Variants in MALRD1 observed in about 807,000 individuals in gnomAD.
MALRD1 encodes MAM and LDL-receptor class A domain-containing protein 1.
MALRD1 carries 247 observed loss-of-function variants against 242.1 expected under a neutral mutation model. That is an observed-to-expected ratio of 1.02 (90% CI 0.92 to 1.13). The LOEUF (loss-of-function observed/expected upper bound fraction) is 1.13, where lower values mean the gene tolerates loss of function less well. Among genes scored for constraint, MALRD1 ranks in the 50% most tolerant of loss-of-function variants. MALRD1 has a pLI of 0.00. For synonymous variants in MALRD1, 995 were observed against 866.6 expected (o/e 1.15, Z -2.60); for missense variants, 2,989 against 2,533.1 (o/e 1.18, Z -3.86).
rs2032271896 is a variant in MALRD1, at chr10:19,531,276, C to T, written c.5403C>T (p.Phe1801=). The T allele has an allele frequency of 1.3e-6, 2 of 1,550,274 alleles. No homozygotes were observed. The highest frequency in any genetic ancestry group is 2.7e-5 in the African/African-American group (2 of 73,022). ...SVARITTSKS[F]PASLGMCTVR... is the part of the protein sequence containing the mutation. ...CCAGAATTACTACTTCCAAATCCTT[C>T]CCAGCAAGCCTTGGAATGTGTACTG... Residue 1801 remains phenylalanine, a synonymous_variant, in exon 32 of 40, where the codon TTC becomes TTT. Transcript: ENST00000454679.
chr10:19,306,237 C>T (rs1458229802), intron 21 of MALRD1, among the ~76,000 whole-genome samples: 4 of 131,312 alleles, frequency 3.0e-5, no homozygotes, highest in Non-Finnish European at 6.3e-5. Flanking sequence ...ATATACTATA[C>T]TATATATACT....
chr10:19,592,665 A>C (rs1434183053), intron 33 of MALRD1, among the ~76,000 whole-genome samples: 2 of 152,058 alleles, frequency 1.3e-5, no homozygotes, highest in Non-Finnish European at 2.9e-5. Flanking sequence ...CTTTTAATGC[A>C]ATGCCTACCT....
chr10:19,587,223 G>C (rs981314634), intron 33 of MALRD1, among the ~76,000 whole-genome samples: 3 of 152,214 alleles, frequency 2.0e-5, no homozygotes, highest in Non-Finnish European at 4.4e-5. Context: ...GACCGGAGCT[G>C]TTCCTATTTG....
At chr10:19,190,707 A>T (rs1259801843) in intron 14 of MALRD1, among the ~76,000 whole-genome samples, 1 of 151,814 alleles carries the variant, frequency 6.6e-6, no homozygotes, top group Non-Finnish European at 1.5e-5. Flanking sequence ...CAATTGGTAA[A>T]ATCCAGTATT....
chr10:19,434,851 T>C (rs1285990557), intron 28 of MALRD1, among the ~76,000 whole-genome samples: 1 of 151,916 alleles, frequency 6.6e-6, no homozygotes, highest in African/African-American at 2.4e-5. Context: ...TGGTCCTGAA[T>C]CTTTTTATTT....
At chr10:19,304,271 C>T (rs1335341908) in intron 21 of MALRD1, among the ~76,000 whole-genome samples, 2 of 151,570 alleles carry the variant, frequency 1.3e-5, no homozygotes, top group African/African-American at 2.4e-5. Context: ...CATGGCATAT[C>T]GTGGAACTTC....
chr10:19,494,553 C>A (rs908108632), intron 30 of MALRD1, among the ~76,000 whole-genome samples: 1 of 152,054 alleles, frequency 6.6e-6, no homozygotes, highest in African/African-American at 2.4e-5. Context: ...CAGGAGCTGA[C>A]GGATGAAATA....
chr10:19,376,164 C>T lies in MALRD1; in HGVS notation c.4442-11364C>T, dbSNP rs570720204. Among the ~76,000 whole-genome samples, 16 of 152,210 alleles carry T rather than the reference C, an allele frequency of 1.1e-4. No homozygotes were observed. The South Asian group carries it at 3.3e-3, about 32-fold the overall frequency. On this transcript the variant is annotated intron_variant, in intron 26 of 39. Coordinates refer to ENST00000454679, the MANE Select transcript of MALRD1 (RefSeq NM_001142308.3). Reference sequence around the variant, plus strand: ...AAAGCAAAAACAAAAACAAAAAAAACTTCGAGCTCTGTTGATTTCACTATT... The same window carrying T: ...AAAGCAAAAACAAAAACAAAAAAAATTTCGAGCTCTGTTGATTTCACTATT...
At chr10:19,325,886 G>A (rs1002876620) in intron 22 of MALRD1, among the ~76,000 whole-genome samples, 4 of 152,054 alleles carry the variant, frequency 2.6e-5, no homozygotes, top group Admixed American at 6.6e-5. Flanking sequence ...TTTTCCGAAA[G>A]GTTGATTGCA....
At chr10:19,300,305 G>C (rs1019816695) in intron 21 of MALRD1, among the ~76,000 whole-genome samples, 1 of 151,918 alleles carries the variant, frequency 6.6e-6, no homozygotes, top group Non-Finnish European at 1.5e-5. Context: ...AGCAATTATA[G>C]ATTTAATGCT....
intron 38 of MALRD1, chr10:19,725,057 T>TATTGA (rs934314409): frequency 4.1e-4 from 62 of 152,262 alleles, no homozygotes; most frequent in African/African-American, 1.4e-3. Flanking sequence ...CACAAAGCAT[T>TATTGA]ATTGAAAGAA....
At chr10:19,312,913 C>T (rs1394395928) in intron 21 of MALRD1, among the ~76,000 whole-genome samples, 1 of 151,386 alleles carries the variant, frequency 6.6e-6, no homozygotes, top group Non-Finnish European at 1.5e-5. Context: ...AAAGGAAAGC[C>T]ACAGTGATCA....
intron 29 of MALRD1, among the ~76,000 whole-genome samples, chr10:19,470,228 A>G (rs979027827): frequency 6.6e-6 from 1 of 152,022 alleles, no homozygotes; most frequent in Non-Finnish European, 1.5e-5. Flanking sequence ...TATTTCACTT[A>G]GCTAATACCT....
chr10:19,547,057 G>T (rs958056054), intron 32 of MALRD1, among the ~76,000 whole-genome samples: 10 of 152,130 alleles, frequency 6.6e-5, no homozygotes, highest in African/African-American at 2.4e-4. Flanking sequence ...GGTGGTCTGT[G>T]CAGTGATACT....
At chr10:19,284,569 A>G (rs1017191269) in intron 21 of MALRD1, among the ~76,000 whole-genome samples, 6 of 151,174 alleles carry the variant, frequency 4.0e-5, no homozygotes, top group African/African-American at 1.2e-4. Flanking sequence ...TGTCCCTACA[A>G]AGGACATGAA....
At chr10:19,323,832 A>G in intron 21 of MALRD1, 117 bp from the exon 22 acceptor site, 1 of 846,610 alleles carries the variant, frequency 1.2e-6, no homozygotes, top group Non-Finnish European at 1.8e-6. Context: ...GCTGGTCTCG[A>G]ACTCCTGACT....
intron 12 of MALRD1, 59 bp from the exon 13 acceptor site, chr10:19,165,578 A>T: frequency 8.4e-7 from 1 of 1,194,384 alleles, no homozygotes; most frequent in East Asian, 3.2e-5. Context: ...AATTATAGGA[A>T]AAACTACCAG....
chr10:19,125,311 TTCCTTCCTTCC>T (rs1355014479), intron 7 of MALRD1, among the ~76,000 whole-genome samples: 2 of 59,130 alleles, frequency 3.4e-5, no homozygotes, highest in Admixed American at 4.6e-4. Flanking sequence ...CCTTCCTTCC[TTCCTTCCTTCC>T]TTCTTTCTTT....
At chr10:19,340,089 ACACTT>A (rs1843778318) in intron 24 of MALRD1, among the ~76,000 whole-genome samples, 1 of 152,094 alleles carries the variant, frequency 6.6e-6, no homozygotes, top group Non-Finnish European at 1.5e-5. Flanking sequence ...TCCCTCTCTG[ACACTT>A]GGAGATTACA....
Sources: gnomAD v4.1 joint callset for allele counts (sites outside exome capture counted in the v4.1 genomes callset) on GRCh38, gnomAD v4.1.1 for gene constraint, MANE v1.5 for transcripts, NCBI Gene and HGNC (gene_info 2026-07-23, HGNC 2026-07-21) for gene names.